Variants in NDUFA8 observed in about 807,000 individuals in gnomAD.
NDUFA8 encodes the protein NADH dehydrogenase [ubiquinone] 1 alpha subcomplex subunit 8.
NDUFA8 carries 16 observed loss-of-function variants against 20.9 expected under a neutral mutation model. That is an observed-to-expected ratio of 0.77 (90% CI 0.52 to 1.16). The LOEUF (loss-of-function observed/expected upper bound fraction) is 1.16, where lower values mean the gene tolerates loss of function less well. Ranked by LOEUF, NDUFA8 falls within the 50% of genes most tolerant of loss-of-function variation. The pLI, the probability that NDUFA8 is intolerant of heterozygous loss-of-function variation, is 0.00. For missense variants in NDUFA8, 202 were observed against 216.4 expected (o/e 0.93, Z 0.42); for synonymous variants, 70 against 76.1 (o/e 0.92, Z 0.41).
intron 1 of NDUFA8, among the ~76,000 whole-genome samples, chr9:122,158,246 T>C (rs1829108478): frequency 6.6e-6 from 1 of 152,190 alleles, no homozygotes; most frequent in Non-Finnish European, 1.5e-5. Flanking sequence ...TCCTTTAATA[T>C]AGCCTGTTCT....
chr9:122,136,579 C>A, the NDUFA8 span, among the ~76,000 whole-genome samples: 1 of 151,006 alleles, frequency 6.6e-6, no homozygotes, highest in Non-Finnish European at 1.5e-5. Context: ...TTTTCTGAGA[C>A]GGAGTCTCGC....
Position 122,155,725 on chromosome 9 carries a change from A to G in NDUFA8, c.52-3317T>C, listed in dbSNP as rs114476915. ...TCAAACTTTTTTAAAAGCTTAATAT[A>G]TTTTAATAATTAAGTCAGTTATATT... On this transcript the variant is annotated intron_variant, in intron 1 of 3. Coordinates refer to ENST00000373768, the MANE Select transcript of NDUFA8 (RefSeq NM_014222.3). 8.3e-3 allele frequency among the ~76,000 whole-genome samples: 1,258 copies of G among 152,350 alleles called. 14 individuals carry two copies. Among genetic ancestry groups the G allele is most frequent in the African/African-American group, 0.028 (1,182 of 41,584 alleles).
chr9:122,137,238 CTT>C, the NDUFA8 span, among the ~76,000 whole-genome samples: 2 of 106,586 alleles, frequency 1.9e-5, no homozygotes, highest in Admixed American at 1.2e-4. Flanking sequence ...TTTTCCTTTC[CTT>C]TTTTTTTTTT....
At chr9:122,155,047 T>C (rs1246992373) in intron 1 of NDUFA8, among the ~76,000 whole-genome samples, 4 of 152,206 alleles carry the variant, frequency 2.6e-5, no homozygotes, top group Admixed American at 2.0e-4. Flanking sequence ...TTAAAAATTG[T>C]TGTGTGAGAA....
At chr9:122,159,566 G>A in intron 1 of NDUFA8, 61 bp downstream of exon 1, 2 of 1,603,060 alleles carry the variant, frequency 1.2e-6, no homozygotes, top group Non-Finnish European at 1.7e-6. Context: ...AGGGGGGCTA[G>A]GCCCAGGCCC....
intron 2 of NDUFA8, among the ~76,000 whole-genome samples, chr9:122,149,969 A>G (rs973511072): frequency 4.6e-5 from 7 of 152,148 alleles, no homozygotes; most frequent in Non-Finnish European, 1.0e-4. Flanking sequence ...AAAAAAAAGA[A>G]AAATTGTTTA....
intron 3 of NDUFA8, among the ~76,000 whole-genome samples, chr9:122,145,503 A>G (rs775036224): frequency 1.3e-5 from 2 of 152,174 alleles, no homozygotes; most frequent in Non-Finnish European, 2.9e-5. Context: ...ACTGGGCTGA[A>G]CTCTTAAGTC....
At chr9:122,145,959 G>A (rs1322286204) in intron 3 of NDUFA8, among the ~76,000 whole-genome samples, 1 of 151,818 alleles carries the variant, frequency 6.6e-6, no homozygotes, top group Non-Finnish European at 1.5e-5. Flanking sequence ...GACCAGCCCA[G>A]GCAACATGGT....
At chr9:122,139,850 C>T (rs965169250), downstream of NDUFA8, among the ~76,000 whole-genome samples, 9 of 152,172 alleles carry the variant, frequency 5.9e-5, no homozygotes, top group African/African-American at 1.9e-4. Context: ...CGTACCACTA[C>T]GCCCAGCTAA....
At chr9:122,140,045 C>T (rs1828798746), downstream of NDUFA8, among the ~76,000 whole-genome samples, 2 of 152,154 alleles carry the variant, frequency 1.3e-5, no homozygotes, top group African/African-American at 2.4e-5. Context: ...ATCAGTATTT[C>T]GGGATCCCCT....
chr9:122,140,143 C>T (rs1326763484), downstream of NDUFA8, among the ~76,000 whole-genome samples: 1 of 152,230 alleles, frequency 6.6e-6, no homozygotes, highest in Non-Finnish European at 1.5e-5. Flanking sequence ...TTTCCCAGAT[C>T]TACCAGTTTT....
intron 1 of NDUFA8, among the ~76,000 whole-genome samples, chr9:122,157,088 C>T (rs1829086986): frequency 6.6e-6 from 1 of 152,194 alleles, no homozygotes; most frequent in South Asian, 2.1e-4. Context: ...TATCTTTCCA[C>T]CCTTCTCACC....
chr9:122,137,688 A>G, the NDUFA8 span, among the ~76,000 whole-genome samples: 1 of 152,224 alleles, frequency 6.6e-6, no homozygotes, highest in Non-Finnish European at 1.5e-5. Context: ...TGAATTGCCC[A>G]GGTGATTAGG....
At chr9:122,145,289 G>A (rs1252019603) in intron 3 of NDUFA8, among the ~76,000 whole-genome samples, 2 of 152,220 alleles carry the variant, frequency 1.3e-5, no homozygotes, top group African/African-American at 4.8e-5. Flanking sequence ...TTGGGGAGCT[G>A]AGCCAATAAG....
the NDUFA8 span, among the ~76,000 whole-genome samples, chr9:122,134,634 G>T: frequency 2.6e-5 from 4 of 152,092 alleles, no homozygotes; most frequent in African/African-American, 9.7e-5. Flanking sequence ...ATCCAACTCT[G>T]CACAACTTTT....
At chr9:122,139,718 G>C (rs1461712897), downstream of NDUFA8, among the ~76,000 whole-genome samples, 1 of 152,186 alleles carries the variant, frequency 6.6e-6, no homozygotes, top group Non-Finnish European at 1.5e-5. Flanking sequence ...TTTGGAGACA[G>C]ATTCTCACTC....
At chr9:122,152,487 A>G (rs947612881) in intron 1 of NDUFA8, 79 bp from the exon 2 acceptor site, 1 of 1,373,572 alleles carries the variant, frequency 7.3e-7, no homozygotes, top group Non-Finnish European at 1.0e-6. Context: ...CATGCGGGTC[A>G]GAATAGAGAA....
downstream of NDUFA8, among the ~76,000 whole-genome samples, chr9:122,140,851 G>C (rs1324322856): frequency 6.6e-6 from 1 of 152,160 alleles, no homozygotes; most frequent in Non-Finnish European, 1.5e-5. Context: ...GGTACAGAAA[G>C]GTTAAGTATC....
intron 1 of NDUFA8, among the ~76,000 whole-genome samples, 160 bp from the exon 2 acceptor site, chr9:122,152,568 T>TG (rs1829020279): frequency 2.0e-5 from 3 of 151,586 alleles, no homozygotes; most frequent in African/African-American, 7.3e-5. Context: ...TTTTTTTTTT[T>TG]TTTTGAGACA....
Sources: allele counts gnomAD v4.1 joint callset (sites outside exome capture counted in the v4.1 genomes callset), GRCh38; gene constraint gnomAD v4.1.1; transcripts MANE v1.5; gene names NCBI Gene and HGNC (gene_info 2026-07-23, HGNC 2026-07-21).